Variants in XKR9 observed in about 807,000 individuals in gnomAD.
XKR9 encodes XK related 9.
A neutral mutation model predicts 32.0 loss-of-function variants in XKR9; 32 were observed. The ratio of observed to expected loss-of-function variants is 1.00; its 90% confidence interval spans 0.76 to 1.34. The LOEUF is 1.34. Ranked by LOEUF, XKR9 falls within the 40% of genes most tolerant of loss-of-function variation. The probability of loss-of-function intolerance (pLI) is 0.00; values close to 1 mark genes in which losing one functional copy is unlikely to be tolerated. For missense variants in XKR9, 546 were observed against 429.7 expected (o/e 1.27, Z -2.39); for synonymous variants, 168 against 143.4 (o/e 1.17, Z -1.22).
chr8:70,736,519 G>A (rs879828913), downstream of XKR9, among the ~76,000 whole-genome samples: 4 of 152,172 alleles, frequency 2.6e-5, no homozygotes, highest in Admixed American at 1.3e-4. Flanking sequence ...TGCTTTTGGT[G>A]TTTTAGACAT....
chr8:71,043,488 C>G, the XKR9 span, among the ~76,000 whole-genome samples: 2 of 152,158 alleles, frequency 1.3e-5, no homozygotes, highest in African/African-American at 2.4e-5. Flanking sequence ...TCTAGGTCAG[C>G]CTTGCAAAAT....
the XKR9 span, among the ~76,000 whole-genome samples, chr8:70,900,325 C>A: frequency 6.6e-6 from 1 of 152,088 alleles, no homozygotes; most frequent in East Asian, 1.9e-4. Flanking sequence ...GTGCAGTGCT[C>A]GCGCTTGTAA....
At chr8:70,881,474 C>A in the XKR9 span, among the ~76,000 whole-genome samples, 1 of 152,204 alleles carries the variant, frequency 6.6e-6, no homozygotes, top group South Asian at 2.1e-4. Context: ...AGACACTTCT[C>A]AAAATAAGAC....
the XKR9 span, among the ~76,000 whole-genome samples, chr8:70,938,603 T>G: frequency 6.6e-6 from 1 of 152,054 alleles, no homozygotes; most frequent in African/African-American, 2.4e-5. Flanking sequence ...TGCTTTGAGA[T>G]ACACATGGGA....
the XKR9 span, among the ~76,000 whole-genome samples, chr8:70,879,567 A>G: frequency 6.6e-6 from 1 of 152,226 alleles, no homozygotes; most frequent in Non-Finnish European, 1.5e-5. Context: ...GAAGAAATGG[A>G]TAAATTCCTG....
At chr8:70,834,370 A>T in the XKR9 span, among the ~76,000 whole-genome samples, 7 of 152,040 alleles carry the variant, frequency 4.6e-5, 1 homozygote, top group South Asian at 1.4e-3. Context: ...TATTGTTTCC[A>T]TTTATTTTAA....
At chr8:71,013,311 T>G in the XKR9 span, among the ~76,000 whole-genome samples, 3 of 151,236 alleles carry the variant, frequency 2.0e-5, no homozygotes, top group African/African-American at 7.3e-5. Context: ...TGGTGAAGAG[T>G]AGGAGAGGGA....
chr8:70,703,024 T>C (rs913699285), intron 3 of XKR9, among the ~76,000 whole-genome samples: 1 of 152,208 alleles, frequency 6.6e-6, no homozygotes, highest in Non-Finnish European at 1.5e-5. Flanking sequence ...TTTTTACATT[T>C]GATTTTCAGC....
At chr8:70,719,747 T>C (rs1000413710) in intron 4 of XKR9, among the ~76,000 whole-genome samples, 10 of 152,178 alleles carry the variant, frequency 6.6e-5, no homozygotes, top group Admixed American at 2.0e-4. Flanking sequence ...GCTTTGATCT[T>C]TTTGCTTAGG....
chr8:70,687,313 T>TCTTTCTTA (rs1819319832), intron 3 of XKR9, among the ~76,000 whole-genome samples: 1 of 3,986 alleles, frequency 2.5e-4, no homozygotes, highest in Non-Finnish European at 5.0e-4. Context: ...CTCTCCTCCC[T>TCTTTCTTA]CTTTCTTTCT....
chr8:70,754,150 A>G lies in XKR9; in HGVS notation n.353-35189A>G, dbSNP rs1432572437. Among the ~76,000 whole-genome samples, 5 of 147,888 alleles carry G rather than the reference A, an allele frequency of 3.4e-5. 1 individual carries two copies. Among genetic ancestry groups the G allele is most frequent in the Admixed American group, 2.3e-4 (3 of 13,184 alleles). Reference sequence around the variant, plus strand: ...ACAAACAGAGAGCCAAATCATGAGCAAACTCCCATTCACAATTGCTACAAA... The same window carrying G: ...ACAAACAGAGAGCCAAATCATGAGCGAACTCCCATTCACAATTGCTACAAA... On this transcript the variant is annotated intron_variant and non_coding_transcript_variant, in intron 2 of 3. Transcript: ENST00000520273.
chr8:71,041,340 A>G, the XKR9 span, among the ~76,000 whole-genome samples: 1 of 152,310 alleles, frequency 6.6e-6, no homozygotes, highest in Middle Eastern at 3.4e-3. Context: ...AAAATAAGTT[A>G]TAATTTTCAC....
At chr8:70,805,100 A>C in the XKR9 span, among the ~76,000 whole-genome samples, 9 of 152,176 alleles carry the variant, frequency 5.9e-5, no homozygotes, top group African/African-American at 2.2e-4. Context: ...TCTTATCAGA[A>C]CTGACTAGGA....
intron 2 of XKR9, among the ~76,000 whole-genome samples, chr8:70,784,745 A>G (rs1275009850): frequency 2.0e-5 from 3 of 152,082 alleles, no homozygotes; most frequent in Admixed American, 2.0e-4. Flanking sequence ...TTGAATAGAA[A>G]TGGTAAGAAT....
the XKR9 span, among the ~76,000 whole-genome samples, chr8:70,882,938 C>G: frequency 6.7e-6 from 1 of 149,376 alleles, no homozygotes; most frequent in Non-Finnish European, 1.5e-5. Flanking sequence ...TATTCTCCCC[C>G]TGAACCTTCA....
chr8:70,987,001 G>C, the XKR9 span, among the ~76,000 whole-genome samples: 1 of 152,122 alleles, frequency 6.6e-6, no homozygotes, highest in Non-Finnish European at 1.5e-5. Flanking sequence ...AGAAACCCCT[G>C]ATAAAACCAC....
chr8:71,050,281 A>G, the XKR9 span, among the ~76,000 whole-genome samples: 1 of 133,916 alleles, frequency 7.5e-6, no homozygotes, highest in African/African-American at 3.1e-5. Flanking sequence ...ATAGATATAG[A>G]TATAGATATA....
At chr8:70,899,821 A>G in the XKR9 span, among the ~76,000 whole-genome samples, 2 of 152,022 alleles carry the variant, frequency 1.3e-5, no homozygotes, top group Non-Finnish European at 2.9e-5. Flanking sequence ...CCTTTTTTGG[A>G]TATATTATTG....
downstream of XKR9, among the ~76,000 whole-genome samples, chr8:70,739,542 GA>G (rs1029947266): frequency 1.3e-5 from 2 of 152,122 alleles, no homozygotes; most frequent in African/African-American, 4.8e-5. Flanking sequence ...CTCATTAGTT[GA>G]TGCAGTTTCT....
Sources: gnomAD v4.1 joint callset for allele counts (sites outside exome capture counted in the v4.1 genomes callset) on GRCh38, gnomAD v4.1.1 for gene constraint, MANE v1.5 for transcripts, NCBI Gene and HGNC (gene_info 2026-07-23, HGNC 2026-07-21) for gene names.